Variants in NFIA observed in about 807,000 individuals in gnomAD.
NFIA encodes the protein nuclear factor I A, also known as nuclear factor 1 A-type.
A neutral mutation model predicts 62.8 loss-of-function variants in NFIA; 8 were observed. The ratio of observed to expected loss-of-function variants is 0.13; its 90% CI spans 0.07 to 0.23. The LOEUF (loss-of-function observed/expected upper bound fraction) is 0.23. Among genes scored for constraint, NFIA ranks in the 10% least tolerant of loss-of-function variants. The pLI is 1.00. For missense variants in NFIA, 410 were observed against 642.1 expected (o/e 0.64, Z 3.91); for synonymous variants, 235 against 238.1 (o/e 0.99, Z 0.12).
intron 10 of NFIA, among the ~76,000 whole-genome samples, chr1:61,453,603 C>T (rs1443242099): frequency 6.6e-6 from 1 of 151,978 alleles, no homozygotes; most frequent in Non-Finnish European, 1.5e-5. Context: ...CAAGAACTAC[C>T]TTAGTGTCAG....
intron 2 of NFIA, among the ~76,000 whole-genome samples, chr1:61,138,044 CA>C (rs1647240783): frequency 6.6e-6 from 1 of 150,722 alleles, no homozygotes; most frequent in African/African-American, 2.4e-5. Context: ...AAGTCAAGAG[CA>C]AGAGTATTTT....
chr1:61,246,856 T>C (rs543310159), intron 2 of NFIA, among the ~76,000 whole-genome samples: 7 of 152,302 alleles, frequency 4.6e-5, no homozygotes, highest in Non-Finnish European at 1.0e-4. Context: ...CTTAGTATCT[T>C]AGCATATTAG....
intron 2 of NFIA, among the ~76,000 whole-genome samples, chr1:61,193,283 A>G (rs974071730): frequency 3.3e-5 from 5 of 152,264 alleles, no homozygotes; most frequent in African/African-American, 1.2e-4. Flanking sequence ...TAATAAGAGA[A>G]GAAGCTCTGC....
At chr1:61,426,691 C>A in intron 10 of NFIA, 135 bp downstream of exon 10, 1 of 688,936 alleles carries the variant, frequency 1.5e-6, no homozygotes. Flanking sequence ...ATCCCACCAG[C>A]CACATTTCCA....
chr1:61,348,556 C>T (rs1414515952), intron 4 of NFIA, among the ~76,000 whole-genome samples: 3 of 152,118 alleles, frequency 2.0e-5, no homozygotes, highest in African/African-American at 7.2e-5. Flanking sequence ...AAGCTAAGCC[C>T]GTTTATGTGG....
intron 3 of NFIA, among the ~76,000 whole-genome samples, chr1:61,283,049 T>C (rs1341397290): frequency 6.6e-6 from 1 of 152,190 alleles, no homozygotes; most frequent in Non-Finnish European, 1.5e-5. Context: ...ATTTGAAAAT[T>C]ACCCTGTGGA....
At chr1:61,418,353 G>C (rs112429612) in intron 9 of NFIA, among the ~76,000 whole-genome samples, 1 of 151,976 alleles carries the variant, frequency 6.6e-6, no homozygotes, top group Admixed American at 6.6e-5. Flanking sequence ...CCAGCTACTC[G>C]GTAGGCTGAG....
At chr1:61,111,417 G>C (rs897269623) in intron 2 of NFIA, among the ~76,000 whole-genome samples, 1 of 152,102 alleles carries the variant, frequency 6.6e-6, no homozygotes, top group Non-Finnish European at 1.5e-5. Flanking sequence ...GAAAGAGTCA[G>C]ACTCTGAAAT....
chr1:61,427,899 A>G (rs527775756), intron 10 of NFIA, among the ~76,000 whole-genome samples: 1 of 152,354 alleles, frequency 6.6e-6, no homozygotes, highest in East Asian at 1.9e-4. Flanking sequence ...ACCTTCAAAT[A>G]TTCAAACACT....
rs1481957800 is a variant in NFIA at position 61,200,025 on chromosome 1, T to C, written c.560-77495T>C. 7.1e-5 allele frequency among the ~76,000 whole-genome samples: 2 copies of C among 28,336 alleles called. 1 individual carries two copies. Among genetic ancestry groups the C allele is most frequent in the South Asian group, 4.0e-3 (2 of 504 alleles). The allele number at this position is 28,336 out of a possible 152,430, so 18.6% of individuals were successfully genotyped here. A position where few individuals can be genotyped will look rare whatever the true frequency, so the allele number is the denominator to read the frequency against. On this transcript the variant is annotated intron_variant, in intron 2 of 10. Transcript: ENST00000403491. ...ATATATATATGTATATATATATATA[T>C]ATATATATATATATATATATATATA... is the stretch of plus-strand genomic sequence containing the variant.
rs796235382 is a variant in NFIA, at chr1:61,084,423, GT to G, written c.27+1619del. Among the ~76,000 whole-genome samples, 106 of 142,826 alleles carry G rather than the reference GT, an allele frequency of 7.4e-4. 1 individual carries two copies. The highest frequency in any genetic ancestry group is 2.4e-3 in the East Asian group (12 of 4,948). The allele number at this position is 142,826 out of a possible 152,430, so 93.7% of individuals were successfully genotyped here. A position where few individuals can be genotyped will look rare whatever the true frequency, so the allele number is the denominator to read the frequency against. ...GCAGTTACTTTTAGTTACTGTAAAA[GT>G]TTTTTTTTTTTTTCCTAACAAACTT... On this transcript the variant is annotated intron_variant, in intron 1 of 10. Coordinates refer to ENST00000403491, the MANE Select transcript of NFIA (RefSeq NM_001134673.4).
chr1:61,189,706 A>G (rs1050289609), intron 2 of NFIA, among the ~76,000 whole-genome samples: 31 of 152,144 alleles, frequency 2.0e-4, no homozygotes, highest in Admixed American at 2.0e-3. Flanking sequence ...TTGCGTCTCC[A>G]GCTTTCAAGT....
intron 10 of NFIA, among the ~76,000 whole-genome samples, chr1:61,445,802 T>C (rs1432863157): frequency 6.6e-6 from 1 of 152,188 alleles, no homozygotes; most frequent in East Asian, 1.9e-4. Flanking sequence ...TGAAAGTCGT[T>C]TTGTATTTTT....
chr1:61,206,688 G>A (rs1272345451), intron 2 of NFIA, among the ~76,000 whole-genome samples: 1 of 152,138 alleles, frequency 6.6e-6, no homozygotes, highest in Non-Finnish European at 1.5e-5. Flanking sequence ...AAAGATGCAA[G>A]GTGTAATCTA....
At chr1:61,275,212 C>G (rs1399542965) in intron 2 of NFIA, among the ~76,000 whole-genome samples, 2 of 152,286 alleles carry the variant, frequency 1.3e-5, no homozygotes, top group African/African-American at 2.4e-5. Flanking sequence ...CCACTCACTC[C>G]TTTGCTGTTG....
chr1:61,122,264 T>C (rs1249039549), intron 2 of NFIA, among the ~76,000 whole-genome samples: 2 of 152,216 alleles, frequency 1.3e-5, no homozygotes, highest in African/African-American at 2.4e-5. Flanking sequence ...TATGCTCACA[T>C]GTGCAAACTA....
At chr1:61,322,781 A>G (rs941184581) in intron 3 of NFIA, among the ~76,000 whole-genome samples, 1 of 152,188 alleles carries the variant, frequency 6.6e-6, no homozygotes, top group African/African-American at 2.4e-5. Context: ...ATTACTGAAA[A>G]TCTTGCTGTA....
rs181360926 is a variant in NFIA, at chr1:61,385,241, A to G, written c.1075+1876A>G. Among the ~76,000 whole-genome samples the G allele has an allele frequency of 4.3e-3, 653 of 152,100 alleles. 11 individuals carry two copies. The highest frequency in any genetic ancestry group is 0.04 in the East Asian group (205 of 5,166). On this transcript the variant is annotated intron_variant, in intron 7 of 10. Transcript: ENST00000403491. Reference sequence around the variant, plus strand: ...AACAGAGCAAGACTCCATCTCAAAAAAAAAAGAGACTTCAAAGTATAAATA... The same window carrying G: ...AACAGAGCAAGACTCCATCTCAAAAGAAAAAGAGACTTCAAAGTATAAATA...
At chr1:61,323,528 A>G (rs750173540) in intron 3 of NFIA, among the ~76,000 whole-genome samples, 4 of 152,196 alleles carry the variant, frequency 2.6e-5, no homozygotes, top group Non-Finnish European at 5.9e-5. Flanking sequence ...TCTTTAAACT[A>G]TAAGGAATTA....
Sources: allele counts gnomAD v4.1 joint callset (sites outside exome capture counted in the v4.1 genomes callset), GRCh38; gene constraint gnomAD v4.1.1; transcripts MANE v1.5; gene names NCBI Gene and HGNC (gene_info 2026-07-23, HGNC 2026-07-21).